Variants in SLC35D4 observed in about 807,000 individuals in gnomAD.
The protein encoded by SLC35D4 is solute carrier family 35 member D4, also known as UDP-N-acetylglucosamine transporter SLC35D4.
chr18:23,320,514 C>T, the SLC35D4 span, among the ~76,000 whole-genome samples: 1 of 152,194 alleles, frequency 6.6e-6, no homozygotes, highest in Non-Finnish European at 1.5e-5. Flanking sequence ...ATCAGTTATG[C>T]TTTCCTGCCT....
At chr18:23,250,394 G>A in the SLC35D4 span, among the ~76,000 whole-genome samples, 2 of 152,222 alleles carry the variant, frequency 1.3e-5, no homozygotes, top group African/African-American at 4.8e-5. Flanking sequence ...TTGGGAAACA[G>A]GAGGGTTGGC....
the SLC35D4 span, chr18:23,297,963 G>A: frequency 6.2e-7 from 1 of 1,607,070 alleles, no homozygotes; most frequent in Non-Finnish European, 8.5e-7. Flanking sequence ...TGTACAAGCT[G>A]TTCTCCCGCA....
the SLC35D4 span, among the ~76,000 whole-genome samples, chr18:23,280,546 G>A: frequency 2.0e-5 from 3 of 152,200 alleles, no homozygotes; most frequent in South Asian, 2.1e-4. Flanking sequence ...ACGTGAACAC[G>A]ATACAACAAT....
the SLC35D4 span, among the ~76,000 whole-genome samples, chr18:23,285,509 C>T: frequency 1.3e-5 from 2 of 152,118 alleles, no homozygotes; most frequent in South Asian, 2.1e-4. Context: ...TAATTCTTGT[C>T]GTAAAATGGG....
the SLC35D4 span, among the ~76,000 whole-genome samples, chr18:23,253,248 C>T: frequency 1.3e-5 from 2 of 152,078 alleles, no homozygotes; most frequent in African/African-American, 4.8e-5. Context: ...TTTGGGAGGC[C>T]GAAGTGGGCG....
the SLC35D4 span, among the ~76,000 whole-genome samples, chr18:23,268,805 T>C: frequency 2.1e-3 from 237 of 113,282 alleles, 2 homozygotes; most frequent in South Asian, 7.0e-3. Flanking sequence ...TGTGTGTGCG[T>C]GTGTGTGTGT....
At chr18:23,325,859 G>T in the SLC35D4 span, among the ~76,000 whole-genome samples, 1 of 152,196 alleles carries the variant, frequency 6.6e-6, no homozygotes, top group Non-Finnish European at 1.5e-5. Context: ...ACAGCCAGGA[G>T]CCCATCAAGT....
At chr18:23,376,011 C>T in the SLC35D4 span, among the ~76,000 whole-genome samples, 1 of 152,158 alleles carries the variant, frequency 6.6e-6, no homozygotes, top group African/African-American at 2.4e-5. Context: ...CTCCTCTTTC[C>T]ATTTTATAGA....
At chr18:23,412,954 G>A in the SLC35D4 span, among the ~76,000 whole-genome samples, 1 of 152,206 alleles carries the variant, frequency 6.6e-6, no homozygotes, top group Non-Finnish European at 1.5e-5. Context: ...TAGCTGAGAT[G>A]CTCAAGGCTT....
At chr18:23,283,471 C>CAA in the SLC35D4 span, among the ~76,000 whole-genome samples, 653 of 43,998 alleles carry the variant, frequency 0.015, 12 homozygotes, top group African/African-American at 0.035. Context: ...GACCCAGTCT[C>CAA]AAAAAAAAAA....
At chr18:23,308,848 T>TC in the SLC35D4 span, among the ~76,000 whole-genome samples, 63 of 140,264 alleles carry the variant, frequency 4.5e-4, no homozygotes, top group African/African-American at 1.6e-3. Context: ...AGCACGTGTT[T>TC]TCTCTCTCTC....
At chr18:23,285,741 C>T in the SLC35D4 span, among the ~76,000 whole-genome samples, 1 of 152,132 alleles carries the variant, frequency 6.6e-6, no homozygotes, top group Admixed American at 6.5e-5. Context: ...CTTCCTCAGC[C>T]TCCGCTTCTC....
At chr18:23,423,394 G>A in the SLC35D4 span, among the ~76,000 whole-genome samples, 2 of 152,204 alleles carry the variant, frequency 1.3e-5, no homozygotes, top group East Asian at 1.9e-4. Flanking sequence ...TCCCCTCCAG[G>A]GGGCATTTGG....
At chr18:23,388,590 A>G in the SLC35D4 span, among the ~76,000 whole-genome samples, 2 of 148,900 alleles carry the variant, frequency 1.3e-5, no homozygotes, top group Non-Finnish European at 3.0e-5. Context: ...TCCAAAGTTC[A>G]ATATGACTGG....
the SLC35D4 span, among the ~76,000 whole-genome samples, chr18:23,269,940 T>C: frequency 1.4e-4 from 21 of 152,214 alleles, no homozygotes; most frequent in African/African-American, 5.1e-4. Context: ...GACGATGTGA[T>C]AGAAAAGAAA....
At chr18:23,254,780 C>A in the SLC35D4 span, among the ~76,000 whole-genome samples, 1 of 152,170 alleles carries the variant, frequency 6.6e-6, no homozygotes, top group African/African-American at 2.4e-5. Flanking sequence ...CCCTTCACTC[C>A]ATGCCCAGGA....
chr18:23,396,397 AG>A, the SLC35D4 span, among the ~76,000 whole-genome samples: 1 of 152,206 alleles, frequency 6.6e-6, no homozygotes, highest in African/African-American at 2.4e-5. Flanking sequence ...AAACTGTACA[AG>A]TGCCTCATGT....
At chr18:23,329,221 T>C in the SLC35D4 span, among the ~76,000 whole-genome samples, 1 of 152,132 alleles carries the variant, frequency 6.6e-6, no homozygotes, top group Admixed American at 6.5e-5. Flanking sequence ...CTAATTAAAC[T>C]AAAGAGCTTC....
the SLC35D4 span, among the ~76,000 whole-genome samples, chr18:23,345,474 T>C: frequency 2.1e-5 from 2 of 94,264 alleles, no homozygotes; most frequent in South Asian, 4.2e-4. Flanking sequence ...AGAGGGAGAC[T>C]CCATCTCAAA....
Sources: gnomAD v4.1 joint callset for allele counts (sites outside exome capture counted in the v4.1 genomes callset) on GRCh38, gnomAD v4.1.1 for gene constraint, MANE v1.5 for transcripts, NCBI Gene and HGNC (gene_info 2026-07-23, HGNC 2026-07-21) for gene names.